The following MAF variants were observed in gnomAD, a reference collection of about 807,000 sequenced individuals.
MAF encodes MAF bZIP transcription factor, also known as transcription factor Maf.
MAF carries 10 observed loss-of-function variants against 22.0 expected under a neutral mutation model. The ratio of observed to expected loss-of-function variants is 0.45; its 90% CI spans 0.28 to 0.77. The LOEUF (loss-of-function observed/expected upper bound fraction) is 0.77. MAF is among the 30% of genes least tolerant of loss of function. The pLI, the probability that MAF is intolerant of heterozygous loss-of-function variation, is 0.12. For missense variants in MAF, 544 were observed against 548.4 expected, an observed-to-expected ratio of 0.99 and a Z score of 0.08; for synonymous variants, 337 against 255.8, an observed-to-expected ratio of 1.32 and a Z score of -3.03.
At chr16:79,439,242 T>TG in the MAF span, among the ~76,000 whole-genome samples, 1 of 150,534 alleles carries the variant, frequency 6.6e-6, no homozygotes, top group South Asian at 2.1e-4. Flanking sequence ...TATCGTCCTA[T>TG]GGGGTAGGTA....
At chr16:79,505,912 C>A in the MAF span, among the ~76,000 whole-genome samples, 1 of 150,246 alleles carries the variant, frequency 6.7e-6, no homozygotes, top group Non-Finnish European at 1.5e-5. Context: ...GCACACCCAA[C>A]GCAAAGAACA....
the MAF span, among the ~76,000 whole-genome samples, chr16:79,427,888 G>A: frequency 6.6e-6 from 1 of 152,038 alleles, no homozygotes; most frequent in African/African-American, 2.4e-5. Flanking sequence ...TTCAATGGCT[G>A]GAACCTAGGG....
At chr16:79,206,078 G>A in the MAF span, 4 of 152,088 alleles carry the variant, frequency 2.6e-5, no homozygotes, top group East Asian at 3.9e-4. Flanking sequence ...CTTCATTTTT[G>A]TTCATCCAAA....
the MAF span, among the ~76,000 whole-genome samples, chr16:79,552,766 G>C: frequency 6.6e-6 from 1 of 152,052 alleles, no homozygotes; most frequent in Admixed American, 6.5e-5. Flanking sequence ...TTTCTGGGAG[G>C]GGCATTTTTT....
At chr16:79,509,034 A>G in the MAF span, among the ~76,000 whole-genome samples, 1 of 152,242 alleles carries the variant, frequency 6.6e-6, no homozygotes, top group African/African-American at 2.4e-5. Context: ...CCTCAATTAA[A>G]AAATAATAAC....
chr16:79,262,623 C>G, the MAF span, among the ~76,000 whole-genome samples: 1 of 152,104 alleles, frequency 6.6e-6, no homozygotes, highest in South Asian at 2.1e-4. Context: ...GAGGGGTGGA[C>G]GTGCCCAGAG....
the MAF span, among the ~76,000 whole-genome samples, chr16:79,327,469 C>T: frequency 8.5e-5 from 13 of 152,092 alleles, no homozygotes; most frequent in African/African-American, 1.9e-4. Flanking sequence ...TGTCCATGCA[C>T]GGACAAAGCC....
chr16:79,415,818 T>G, the MAF span, among the ~76,000 whole-genome samples: 1 of 151,978 alleles, frequency 6.6e-6, no homozygotes, highest in Non-Finnish European at 1.5e-5. Context: ...CTCAGCTTCC[T>G]TATCTGTAAA....
the MAF span, among the ~76,000 whole-genome samples, chr16:79,329,070 C>G: frequency 1.7e-5 from 2 of 120,078 alleles, no homozygotes; most frequent in African/African-American, 5.4e-5. Flanking sequence ...TGCCCCCTTC[C>G]TTCTGTGATT....
chr16:79,565,078 T>G, the MAF span, among the ~76,000 whole-genome samples: 1 of 152,178 alleles, frequency 6.6e-6, no homozygotes, highest in African/African-American at 2.4e-5. Context: ...CAAGGGCACC[T>G]ACCCTTGGAC....
chr16:79,496,621 A>G, the MAF span, among the ~76,000 whole-genome samples: 2 of 152,222 alleles, frequency 1.3e-5, no homozygotes, highest in African/African-American at 4.8e-5. Context: ...CGAGAATTCC[A>G]TATGGATATA....
chr16:79,286,531 T>C, the MAF span, among the ~76,000 whole-genome samples: 1 of 152,216 alleles, frequency 6.6e-6, no homozygotes, highest in Non-Finnish European at 1.5e-5. Context: ...CACACCATTA[T>C]CCTTGCATGC....
At chr16:79,403,562 G>A in the MAF span, among the ~76,000 whole-genome samples, 4 of 152,084 alleles carry the variant, frequency 2.6e-5, no homozygotes, top group Admixed American at 1.3e-4. Context: ...CTCCCTTAAT[G>A]CCACTCTTTA....
At chr16:79,407,543 T>C in the MAF span, among the ~76,000 whole-genome samples, 1 of 152,112 alleles carries the variant, frequency 6.6e-6, no homozygotes, top group Non-Finnish European at 1.5e-5. Context: ...GCAATTGGGA[T>C]TTAGCTGAAC....
At chr16:79,511,822 T>C in the MAF span, among the ~76,000 whole-genome samples, 1 of 152,226 alleles carries the variant, frequency 6.6e-6, no homozygotes, top group Non-Finnish European at 1.5e-5. Context: ...GAACCAACAT[T>C]GGAATTCATC....
chr16:79,527,303 T>A, the MAF span, among the ~76,000 whole-genome samples: 1 of 152,218 alleles, frequency 6.6e-6, no homozygotes, highest in Non-Finnish European at 1.5e-5. Flanking sequence ...AGCTCTAAGC[T>A]TGCCTTCTTA....
chr16:79,262,395 T>C, the MAF span, among the ~76,000 whole-genome samples: 2 of 152,200 alleles, frequency 1.3e-5, no homozygotes, highest in Non-Finnish European at 1.5e-5. Context: ...ACAAAGGACA[T>C]GATACTTGGG....
chr16:79,362,921 T>C, the MAF span, among the ~76,000 whole-genome samples: 1 of 152,222 alleles, frequency 6.6e-6, no homozygotes, highest in African/African-American at 2.4e-5. Context: ...ATCCTTTTTT[T>C]ATGATTCCCT....
chr16:79,507,634 C>T, the MAF span, among the ~76,000 whole-genome samples: 1 of 151,918 alleles, frequency 6.6e-6, no homozygotes, highest in Non-Finnish European at 1.5e-5. Context: ...ACTATGTTAG[C>T]CAGGATGGTC....
Sources: allele counts gnomAD v4.1 joint callset (sites outside exome capture counted in the v4.1 genomes callset), GRCh38; gene constraint gnomAD v4.1.1; transcripts MANE v1.5; gene names NCBI Gene and HGNC (gene_info 2026-07-23, HGNC 2026-07-21).